RANBP2: variants seen among roughly 807,000 people sequenced by gnomAD.
RANBP2 encodes the protein RAN binding protein 2.
In RANBP2, 57 loss-of-function variants were observed where a neutral mutation model predicts 303.6. The observed-to-expected ratio is 0.19, with a 90% CI of 0.15 to 0.23. RANBP2 has a LOEUF of 0.23. Among genes scored for constraint, RANBP2 ranks in the 10% least tolerant of loss-of-function variants. The pLI is 1.00. For synonymous variants in RANBP2, 1,167 were observed against 1,301.5 expected (o/e 0.90, Z 2.23); for missense variants, 3,138 against 3,780.8 (o/e 0.83, Z 4.46).
At chr2:109,393,962 G>A in the RANBP2 span, among the ~76,000 whole-genome samples, 3 of 152,004 alleles carry the variant, frequency 2.0e-5, no homozygotes, top group East Asian at 1.9e-4. Context: ...TGGACCCAGC[G>A]CTGAAATTCC....
chr2:108,991,534 G>A, the RANBP2 span, among the ~76,000 whole-genome samples: 1 of 152,224 alleles, frequency 6.6e-6, no homozygotes, highest in Non-Finnish European at 1.5e-5. Context: ...TAGAACACAT[G>A]CTTGCTACAC....
the RANBP2 span, among the ~76,000 whole-genome samples, chr2:109,269,383 A>T: frequency 1.3e-5 from 2 of 152,148 alleles, no homozygotes; most frequent in African/African-American, 4.8e-5. Context: ...TTTCCAGAAA[A>T]CACTGGTGCT....
chr2:108,939,998 G>A, the RANBP2 span, among the ~76,000 whole-genome samples: 3 of 152,186 alleles, frequency 2.0e-5, no homozygotes, highest in South Asian at 4.1e-4. Flanking sequence ...AAACAAGAAC[G>A]TAATCCTTAA....
the RANBP2 span, among the ~76,000 whole-genome samples, chr2:109,032,404 C>T: frequency 6.6e-6 from 1 of 152,110 alleles, no homozygotes; most frequent in East Asian, 1.9e-4. Context: ...TTTCAAGCAC[C>T]GTCTGCAAAC....
At chr2:109,264,814 A>G in the RANBP2 span, among the ~76,000 whole-genome samples, 165 of 152,172 alleles carry the variant, frequency 1.1e-3, 1 homozygote, top group African/African-American at 3.8e-3. Context: ...TGCATGCCGC[A>G]CCCTCCTGAG....
chr2:109,090,600 G>C, the RANBP2 span, among the ~76,000 whole-genome samples: 1 of 151,984 alleles, frequency 6.6e-6, no homozygotes, highest in Admixed American at 6.6e-5. Context: ...AGGCACGAAG[G>C]GGGCCTCATT....
chr2:109,272,817 C>T, the RANBP2 span, among the ~76,000 whole-genome samples: 7 of 152,168 alleles, frequency 4.6e-5, no homozygotes, highest in Non-Finnish European at 1.0e-4. Flanking sequence ...ACACGCAGGA[C>T]GTCAGGCTTG....
the RANBP2 span, among the ~76,000 whole-genome samples, chr2:109,333,686 A>G: frequency 6.6e-6 from 1 of 152,222 alleles, no homozygotes; most frequent in Non-Finnish European, 1.5e-5. Flanking sequence ...GGCATAGAAG[A>G]TAAGAGCACA....
At chr2:108,730,954 G>A (rs1050314134) in intron 3 of RANBP2, 69 bp downstream of exon 3, 1 of 1,518,598 alleles carries the variant, frequency 6.6e-7, no homozygotes, top group South Asian at 1.1e-5. Context: ...ATTTATATAA[G>A]TAAGTCAAAT....
At chr2:108,931,055 T>C in the RANBP2 span, 1 of 1,609,382 alleles carries the variant, frequency 6.2e-7, no homozygotes, top group South Asian at 1.1e-5. Flanking sequence ...CGTCATTAGC[T>C]GGGCACTGGC....
At chr2:109,308,444 A>C in the RANBP2 span, among the ~76,000 whole-genome samples, 1 of 75,984 alleles carries the variant, frequency 1.3e-5, no homozygotes, top group Non-Finnish European at 2.3e-5. Context: ...CCCATTTGTC[A>C]ATTTTGGCTT....
the RANBP2 span, among the ~76,000 whole-genome samples, chr2:109,517,865 C>T: frequency 2.6e-5 from 4 of 152,338 alleles, no homozygotes; most frequent in South Asian, 6.2e-4. Context: ...GCCTAGATAA[C>T]GACGCCCGAG....
At chr2:109,029,129 C>CAAAA in the RANBP2 span, among the ~76,000 whole-genome samples, 1 of 151,590 alleles carries the variant, frequency 6.6e-6, no homozygotes, top group East Asian at 1.9e-4. Flanking sequence ...TTCTAAACTA[C>CAAAA]AAAAATAAAT....
the RANBP2 span, among the ~76,000 whole-genome samples, chr2:109,405,130 G>C: frequency 6.6e-6 from 1 of 151,424 alleles, no homozygotes; most frequent in Non-Finnish European, 1.5e-5. Flanking sequence ...CCCAGCCAAC[G>C]TCACCTGCCA....
At chr2:109,042,785 A>G in the RANBP2 span, among the ~76,000 whole-genome samples, 2 of 152,240 alleles carry the variant, frequency 1.3e-5, no homozygotes, top group Admixed American at 6.5e-5. Context: ...CATTGTGATC[A>G]TAAGTTTACA....
chr2:108,963,914 G>A, the RANBP2 span, among the ~76,000 whole-genome samples: 8 of 152,118 alleles, frequency 5.3e-5, no homozygotes, highest in East Asian at 9.7e-4. Flanking sequence ...CAGTAGGGTC[G>A]GCTCTGGCTG....
At chr2:108,979,200 G>C in the RANBP2 span, among the ~76,000 whole-genome samples, 1 of 152,166 alleles carries the variant, frequency 6.6e-6, no homozygotes, top group Non-Finnish European at 1.5e-5. Flanking sequence ...TTAAGGAACA[G>C]CTCTTTCTTG....
the RANBP2 span, among the ~76,000 whole-genome samples, chr2:109,697,065 A>G: frequency 6.6e-6 from 1 of 152,202 alleles, no homozygotes; most frequent in Non-Finnish European, 1.5e-5. Context: ...GGTGTGAGCC[A>G]CCACACTTGC....
the RANBP2 span, among the ~76,000 whole-genome samples, chr2:109,581,312 C>T: frequency 1.3e-5 from 2 of 152,028 alleles, no homozygotes; most frequent in Non-Finnish European, 2.9e-5. Context: ...TAGCGGGCAC[C>T]TGTAATCCCA....
Sources: allele counts gnomAD v4.1 joint callset (sites outside exome capture counted in the v4.1 genomes callset), GRCh38; gene constraint gnomAD v4.1.1; transcripts MANE v1.5; gene names NCBI Gene and HGNC (gene_info 2026-07-23, HGNC 2026-07-21).